Variants in BAHD1 observed in about 807,000 individuals in gnomAD.
BAHD1 encodes bromo adjacent homology domain containing 1.
Under a neutral mutation model 63.1 loss-of-function variants are expected in BAHD1, and 20 were observed. That is an observed-to-expected ratio of 0.32 (90% CI 0.22 to 0.46). BAHD1 has a LOEUF of 0.46. BAHD1 is among the 20% of genes least tolerant of loss of function. BAHD1 has a pLI of 1.00. For missense variants in BAHD1, 939 were observed against 1,071.8 expected (o/e 0.88, Z 1.73); for synonymous variants, 408 against 426.8 (o/e 0.96, Z 0.54).
rs1485865303 is a variant in BAHD1, at chr15:40,459,559, T to C, written c.1095T>C (p.Asn365=). 8 of 1,614,140 alleles carry C rather than the reference T, an allele frequency of 5.0e-6. No homozygotes were observed. Among genetic ancestry groups the C allele is most frequent in the Middle Eastern group, 1.6e-4 (1 of 6,062 alleles). ...TGCCTGGCAACCCCGCCGACTACAA[T>C]GGCCTGTGTGTTGGGCCTGAGCTCA... ...LPMPGNPADY[N]GLCVGPELTA... is the part of the protein sequence containing the mutation. The change falls in exon 2 of 7, where the codon AAT becomes AAC. Residue 365 remains asparagine (N), a synonymous_variant. Transcript: ENST00000416165.
Position 40,466,225 on chromosome 15 carries a change from A to T in BAHD1, c.*95A>T. The T allele has an allele frequency of 1.0e-5, 10 of 954,204 alleles. No individual in the cohort carries two copies. Among genetic ancestry groups the T allele is most frequent in the Non-Finnish European group, 1.3e-5 (9 of 689,700 alleles). The allele number at this position is 954,204 out of a possible 1,614,324, so 59.1% of individuals were successfully genotyped here. ...ACAGCACTTGGTTAGGGGGCCACAG[A>T]GGCCTAAGTTTGCTGGCCTGTGGTT... On this transcript the variant is annotated 3_prime_UTR_variant, in exon 7 of 7. Coordinates refer to ENST00000416165, the MANE Select transcript of BAHD1 (RefSeq NM_014952.5).
intron 1 of BAHD1, among the ~76,000 whole-genome samples, chr15:40,456,094 T>C (rs1172882152): frequency 6.6e-6 from 1 of 152,204 alleles, no homozygotes; most frequent in African/African-American, 2.4e-5. Context: ...TGCTTCAGCC[T>C]CCCAAGTAGC....
At position 40,466,283 on chromosome 15, in the gene BAHD1, T is replaced by G; in HGVS notation, c.*153T>G. 1 of 704,352 alleles carries G rather than the reference T, an allele frequency of 1.4e-6. No individual in the cohort carries two copies. The highest frequency in any genetic ancestry group is 2.9e-5 in the East Asian group (1 of 34,170). 43.6% of individuals were successfully genotyped at this position (704,352 alleles called of 1,614,324 possible). On this transcript the variant is annotated 3_prime_UTR_variant, in exon 7 of 7. Transcript: ENST00000416165. ...GGGGGAGGGCAGGGGCCCCTGTGGG[T>G]TCTGGGCTCCAGGGGAGGGAGCTGG...
At chr15:40,439,701 G>A (rs551414505), upstream of BAHD1, 8 of 152,556 alleles carry the variant, frequency 5.2e-5, no homozygotes, top group African/African-American at 1.9e-4. Flanking sequence ...ATGAGGCTTT[G>A]TTCAGGGGTG....
At chr15:40,449,828 A>AAG (rs1472427610) in intron 1 of BAHD1, among the ~76,000 whole-genome samples, 1 of 151,862 alleles carries the variant, frequency 6.6e-6, no homozygotes, top group Admixed American at 6.6e-5. Context: ...AAAAAAAAAA[A>AAG]AAAAGAAAAT....
chr15:40,467,963 A>C lies in BAHD1; in HGVS notation c.*1833A>C, dbSNP rs535854109. On this transcript the variant is annotated 3_prime_UTR_variant, in exon 7 of 7. Coordinates refer to ENST00000416165, the MANE Select transcript of BAHD1 (RefSeq NM_014952.5). ...TAGGGTCTTGGCTGCCCCGAACTTA[A>C]ATGCTTTTGAAATCTCTTAGATGTG... 3 of 152,748 alleles carry C rather than the reference A, an allele frequency of 2.0e-5. No individual in the cohort carries two copies. In the East Asian group the frequency reaches 5.8e-4, roughly 29 times the overall value. 9.5% of individuals were successfully genotyped at this position (152,748 alleles called of 1,614,324 possible). A position where few individuals can be genotyped will look rare whatever the true frequency, so the allele number is the denominator to read the frequency against.
intron 1 of BAHD1, among the ~76,000 whole-genome samples, chr15:40,448,075 C>T (rs1011107592): frequency 6.6e-6 from 1 of 152,026 alleles, no homozygotes; most frequent in Non-Finnish European, 1.5e-5. Context: ...AACCCTGTCT[C>T]TACTAAAAAT....
chr15:40,458,506 G>A lies in BAHD1; in HGVS notation c.42G>A (p.Ser14=), dbSNP rs773653874. 8 of 1,609,766 alleles carry A rather than the reference G, an allele frequency of 5.0e-6. No homozygotes were observed. The Admixed American group carries it at 5.0e-5, about 10-fold the overall frequency. ...GAAAGTCCCTTCCCATGCTGAGTTC[G>A]GGCCTCACTGGCCGCCGAGAGCCCC... The part of the protein sequence containing the change: ...TRRKSLPMLS[S]GLTGRREPLQ... Residue 14 remains serine, a synonymous_variant, in exon 2 of 7, where the codon TCG becomes TCA. Coordinates refer to ENST00000416165, the MANE Select transcript of BAHD1 (RefSeq NM_014952.5). This position sits in a 1 kb window ranked among gnomAD's most constrained non-coding sequence, Gnocchi z 4.7.
upstream of BAHD1, among the ~76,000 whole-genome samples, chr15:40,438,033 C>G (rs753926179): frequency 1.3e-5 from 2 of 152,106 alleles, no homozygotes; most frequent in Non-Finnish European, 2.9e-5. Flanking sequence ...TCCGGAGACC[C>G]GATGGACCCA....
intron 1 of BAHD1, among the ~76,000 whole-genome samples, chr15:40,455,520 G>A (rs1893822970): frequency 6.6e-6 from 1 of 152,164 alleles, no homozygotes; most frequent in Non-Finnish European, 1.5e-5. Flanking sequence ...AAAGATCTGA[G>A]GACCATCTGC....
chr15:40,437,889 G>A (rs1893309454), upstream of BAHD1, among the ~76,000 whole-genome samples: 1 of 152,150 alleles, frequency 6.6e-6, no homozygotes, highest in Admixed American at 6.5e-5. Context: ...TGGGGGAAGG[G>A]TGCGCCGCGT....
chr15:40,459,633 G>A lies in BAHD1; in HGVS notation c.1169G>A (p.Cys390Tyr). 6.2e-7 allele frequency: 1 copy of A among 1,614,156 alleles called. No homozygotes were observed. Among genetic ancestry groups the A allele is most frequent in the Middle Eastern group, 1.6e-4 (1 of 6,062 alleles). Residue 390 changes from cysteine (C) to tyrosine (Y), a missense_variant, in exon 2 of 7, where the codon TGT becomes TAT. Around this residue, in one of 5 missense-constraint regions of BAHD1, gnomAD observed 797 missense variants for 813.3 expected, o/e 0.98. Coordinates refer to ENST00000416165, the MANE Select transcript of BAHD1 (RefSeq NM_014952.5). The stretch of plus-strand genomic sequence containing the variant: ...TACTGTGGCCAAGAGGGGCTGCAGT[G>A]TGGGGGCTACTCGCCCTGCCCCATG... ...YLYCGQEGLQ[C>Y]GGYSPCPMLP...
In BAHD1 at chr15:40,459,464, G is replaced by C; in HGVS notation, c.1000G>C (p.Glu334Gln). 2 of 1,613,684 alleles carry C rather than the reference G, an allele frequency of 1.2e-6. No homozygotes were observed. Among genetic ancestry groups the C allele is most frequent in the Non-Finnish European group, 1.7e-6 (2 of 1,179,996 alleles). ...GCCGGAGCCTGGGCGCCCAGGCGAG[G>C]AGTCACCTGCCCCTAAGCAGGAACT... ...LKPEPGRPGE[E>Q]SPAPKQELHQ... is the part of the protein sequence containing the mutation. Residue 334 changes from glutamate (E) to glutamine (Q), a missense_variant, in exon 2 of 7, where the codon GAG (glutamate) becomes CAG (glutamine). This residue lies in a region of BAHD1 where 797 missense variants were observed against 813.3 expected (regional missense o/e 0.98). Transcript: ENST00000416165.
rs1215261058 is a variant in BAHD1, at chr15:40,458,670, C to T, written c.206C>T (p.Ala69Val). Residue 69 changes from alanine to valine, a missense_variant, in exon 2 of 7, where the codon GCC becomes GTC. Coordinates refer to ENST00000416165, the MANE Select transcript of BAHD1 (RefSeq NM_014952.5). This position sits in a 1 kb window ranked among gnomAD's most constrained non-coding sequence, Gnocchi z 4.7. ...CCATTGGTTCCTGAGAAGCCCAAGGCCTGCAAAGTGCTGCTGACTCGCCTG... is the reference window on the plus strand; with the variant it reads ...CCATTGGTTCCTGAGAAGCCCAAGGTCTGCAAAGTGCTGCTGACTCGCCTG... Reference protein sequence around the residue: ...KRPLVPEKPKACKVLLTRLEN... With the variant: ...KRPLVPEKPKVCKVLLTRLEN... 6.2e-7 allele frequency: 1 copy of T among 1,613,876 alleles called. No homozygotes were observed. Among genetic ancestry groups the T allele is most frequent in the African/African-American group, 1.3e-5 (1 of 75,050 alleles).
rs1206159641 is a variant in BAHD1, at chr15:40,462,258, T to C, written c.1779T>C (p.Pro593=). Residue 593 remains proline, a synonymous_variant, in exon 3 of 7, where the codon CCT becomes CCC. Coordinates refer to ENST00000416165, the MANE Select transcript of BAHD1 (RefSeq NM_014952.5). ...GCCGCCGCACTAATGGCTGGGTACC[T>C]GTTGGGGCTGCGTGTGAGAAGGCTG... ...RRRRRTNGWV[P]VGAACEKAVY... The C allele has an allele frequency of 6.2e-7, 1 of 1,610,462 alleles. No individual in the cohort carries two copies. Among genetic ancestry groups the C allele is most frequent in the Non-Finnish European group, 8.5e-7 (1 of 1,178,354 alleles).
At position 40,459,026 on chromosome 15, in the gene BAHD1, G is replaced by A; in HGVS notation, c.562G>A (p.Ala188Thr). 6.3e-7 allele frequency: 1 copy of A among 1,596,904 alleles called. No homozygotes were observed. Among genetic ancestry groups the A allele is most frequent in the Non-Finnish European group, 8.5e-7 (1 of 1,170,128 alleles). Residue 188 changes from alanine to threonine, a missense_variant, in exon 2 of 7, where the codon GCA becomes ACA. Physicochemically the swap from Ala to Thr is moderately conservative, Grantham distance 58. This residue lies in a region of BAHD1 where 797 missense variants were observed against 813.3 expected (regional missense o/e 0.98). Coordinates refer to ENST00000416165, the MANE Select transcript of BAHD1 (RefSeq NM_014952.5). ...GGSRDLSPEP[A>T]PDEGPRRDGD... is the part of the protein sequence containing the mutation. ...AAGTCGGGACCTGTCTCCAGAGCCA[G>A]CACCCGATGAAGGTCCCCGCCGAGA...
chr15:40,458,498 C>G lies in BAHD1; in HGVS notation c.34C>G (p.Leu12Val), dbSNP rs1282622576. The G allele has an allele frequency of 8.1e-6, 13 of 1,604,728 alleles. No homozygotes were observed. Among genetic ancestry groups the G allele is most frequent in the Non-Finnish European group, 1.1e-5 (13 of 1,174,794 alleles). ...CACTCGGAGAAAGTCCCTTCCCATG[C>G]TGAGTTCGGGCCTCACTGGCCGCCG... The part of the protein sequence containing the change: ...THTRRKSLPM[L>V]SSGLTGRREP... The change falls in exon 2 of 7, where the codon CTG (leucine) becomes GTG (valine). Residue 12 changes from leucine (L) to valine (V), a missense_variant. Physicochemically the swap from Leu to Val is conservative, Grantham distance 32. Around this residue, in one of 5 missense-constraint regions of BAHD1, gnomAD observed 797 missense variants for 813.3 expected, o/e 0.98. Transcript: ENST00000416165. The surrounding 1 kb of genome is among the most constrained non-coding windows in gnomAD (Gnocchi z 4.7).
intron 1 of BAHD1, among the ~76,000 whole-genome samples, chr15:40,446,310 C>T (rs1185331686): frequency 6.6e-6 from 1 of 152,256 alleles, no homozygotes; most frequent in East Asian, 1.9e-4. Flanking sequence ...GACGGCCTGA[C>T]AAGCACCCTC....
chr15:40,466,576 C>A lies in BAHD1; in HGVS notation c.*446C>A, dbSNP rs1440499022. 1 of 159,282 alleles carries A rather than the reference C, an allele frequency of 6.3e-6. No individual in the cohort carries two copies. The highest frequency in any genetic ancestry group is 1.4e-5 in the Non-Finnish European group (1 of 72,416). The allele number at this position is 159,282 out of a possible 1,614,324, so 9.9% of individuals were successfully genotyped here. A position where few individuals can be genotyped will look rare whatever the true frequency, so the allele number is the denominator to read the frequency against. ...CTCACCCACTGTGACCCGCCGCTTC[C>A]CCTTCAGCCTGGGACCAGGCTTTCC... is the stretch of plus-strand genomic sequence containing the variant. On this transcript the variant is annotated 3_prime_UTR_variant, in exon 7 of 7. Transcript: ENST00000416165.
Sources: gnomAD v4.1 joint callset for allele counts (sites outside exome capture counted in the v4.1 genomes callset) on GRCh38, gnomAD v4.1.1 for gene constraint, gnomAD v4.1.1 regional missense constraint, Gnocchi (gnomAD v3.1) non-coding constraint, MANE v1.5 for transcripts, NCBI Gene and HGNC (gene_info 2026-07-23, HGNC 2026-07-21) for gene names.